The following TTLL11 variants were observed in gnomAD, a reference collection of about 807,000 sequenced individuals.
The protein encoded by TTLL11 is tubulin tyrosine ligase like 11.
In TTLL11, 42 loss-of-function variants were observed where a neutral mutation model predicts 51.7. That is an observed-to-expected ratio of 0.81 (90% CI 0.64 to 1.05). TTLL11 has a LOEUF of 1.05. Ranked by LOEUF, TTLL11 falls within the 50% of genes least tolerant of loss-of-function variation. The pLI, the probability that TTLL11 is intolerant of heterozygous loss-of-function variation, is 0.00. For missense variants in TTLL11, 799 were observed against 940.4 expected (o/e 0.85, Z 1.97); for synonymous variants, 381 against 383.5 (o/e 0.99, Z 0.08).
chr9:122,006,539 G>C (rs1322913590), intron 3 of TTLL11, among the ~76,000 whole-genome samples: 1 of 152,098 alleles, frequency 6.6e-6, no homozygotes, highest in Non-Finnish European at 1.5e-5. Flanking sequence ...AAATATTAGA[G>C]AGACTATAAT....
At chr9:121,848,493 G>A (rs1035183252) in intron 8 of TTLL11, among the ~76,000 whole-genome samples, 1 of 152,040 alleles carries the variant, frequency 6.6e-6, no homozygotes, top group African/African-American at 2.4e-5. Flanking sequence ...TGTCAATGTA[G>A]AAAATCCCAA....
intron 6 of TTLL11, among the ~76,000 whole-genome samples, chr9:121,915,980 GACACACACATACACACACACACACACAC>G (rs1317372255): frequency 1.0e-5 from 1 of 98,624 alleles, no homozygotes; most frequent in African/African-American, 3.9e-5. Flanking sequence ...TATAGACAAA[GACACACACATACACACACACACACACAC>G]ACACACACAC....
chr9:121,823,014 T>G, intron 8 of TTLL11, 135 bp from the exon 9 acceptor site: 3 of 1,047,868 alleles, frequency 2.9e-6, no homozygotes, highest in South Asian at 1.7e-5. Flanking sequence ...CAGAAACTCC[T>G]AACAGGGCTA....
intron 1 of TTLL11, among the ~76,000 whole-genome samples, chr9:122,067,659 C>T (rs375707842): frequency 2.0e-5 from 3 of 152,108 alleles, no homozygotes; most frequent in Non-Finnish European, 4.4e-5. Flanking sequence ...CCCACTGCCA[C>T]GCCCAGCTAA....
intron 7 of TTLL11, among the ~76,000 whole-genome samples, chr9:121,868,961 C>T (rs1286239664): frequency 6.6e-6 from 1 of 152,210 alleles, no homozygotes; most frequent in Non-Finnish European, 1.5e-5. Context: ...CATAACAAAT[C>T]CTGCAAGGCA....
rs188953779 is a variant in TTLL11, at chr9:121,872,243, C to T, written c.1482-1495G>A. Among the ~76,000 whole-genome samples the T allele has an allele frequency of 2.0e-4, 31 of 152,352 alleles. 1 individual carries two copies. The highest frequency in any genetic ancestry group is 7.0e-4 in the African/African-American group (29 of 41,582). Reference sequence around the variant, plus strand: ...GTGGCTGGCTGGCACACTTCTGTTCCACTTTCAAAACCAGCTGAGATGGCT... The same window carrying T: ...GTGGCTGGCTGGCACACTTCTGTTCTACTTTCAAAACCAGCTGAGATGGCT... On this transcript the variant is annotated intron_variant, in intron 6 of 8. Coordinates refer to ENST00000321582, the MANE Select transcript of TTLL11 (RefSeq NM_001139442.2).
intron 6 of TTLL11, among the ~76,000 whole-genome samples, chr9:121,875,652 AT>A (rs1838537107): frequency 6.6e-6 from 1 of 152,226 alleles, no homozygotes; most frequent in South Asian, 2.1e-4. Context: ...GCTGGAGATA[AT>A]TCCAATTATC....
intron 8 of TTLL11, among the ~76,000 whole-genome samples, chr9:121,837,879 G>A (rs964556502): frequency 7.9e-5 from 12 of 152,154 alleles, no homozygotes; most frequent in Non-Finnish European, 1.0e-4. Context: ...ATGTGACCAC[G>A]TGGAAGCCTC....
chr9:121,885,163 C>T (rs887548356), intron 6 of TTLL11: 1 of 152,234 alleles, frequency 6.6e-6, no homozygotes, highest in Non-Finnish European at 1.5e-5. Flanking sequence ...AGCCCACTTG[C>T]ATCTCGGTAA....
chr9:121,876,314 A>G (rs1838562749), intron 6 of TTLL11, among the ~76,000 whole-genome samples: 1 of 152,260 alleles, frequency 6.6e-6, no homozygotes, highest in African/African-American at 2.4e-5. Flanking sequence ...CTAGTTGCTG[A>G]GAAGTTGCTT....
At chr9:122,044,953 G>C (rs1215636804) in intron 1 of TTLL11, among the ~76,000 whole-genome samples, 2 of 151,782 alleles carry the variant, frequency 1.3e-5, no homozygotes, top group African/African-American at 2.4e-5. Flanking sequence ...CAAAATACCT[G>C]AAAAATTAGC....
intron 1 of TTLL11, among the ~76,000 whole-genome samples, chr9:122,054,111 A>G (rs899192585): frequency 5.9e-5 from 9 of 152,104 alleles, no homozygotes; most frequent in Non-Finnish European, 1.0e-4. Flanking sequence ...TTCATCCTTC[A>G]CTGAGTTAAT....
At chr9:122,041,324 A>G (rs531878072) in intron 1 of TTLL11, among the ~76,000 whole-genome samples, 20 of 152,210 alleles carry the variant, frequency 1.3e-4, no homozygotes, top group African/African-American at 3.4e-4. Flanking sequence ...ATCATACTCA[A>G]TGGTAAAATA....
At chr9:121,918,280 GGT>G (rs1840410380) in intron 6 of TTLL11, among the ~76,000 whole-genome samples, 1 of 152,218 alleles carries the variant, frequency 6.6e-6, no homozygotes, top group Non-Finnish European at 1.5e-5. Context: ...GCTGCTACAG[GGT>G]AGAGCATTGA....
chr9:121,920,498 A>G (rs1191727853), intron 6 of TTLL11, among the ~76,000 whole-genome samples: 2 of 152,226 alleles, frequency 1.3e-5, no homozygotes, highest in Non-Finnish European at 2.9e-5. Context: ...GTCACTAGGC[A>G]GCAAATCATC....
chr9:122,059,610 G>GA (rs1554789815), intron 1 of TTLL11, among the ~76,000 whole-genome samples: 5 of 151,832 alleles, frequency 3.3e-5, no homozygotes, highest in Non-Finnish European at 5.9e-5. Flanking sequence ...CTGTGATTCA[G>GA]AAAAAAAATG....
Position 121,822,412 on chromosome 9 carries a change from G to A in TTLL11, c.*175C>T. The A allele has an allele frequency of 1.9e-6, 1 of 528,108 alleles. No individual in the cohort carries two copies. The highest frequency in any genetic ancestry group is 3.2e-6 in the Non-Finnish European group (1 of 315,758). 32.7% of individuals were successfully genotyped at this position (528,108 alleles called of 1,614,324 possible). On this transcript the variant is annotated 3_prime_UTR_variant, in exon 9 of 9. Transcript: ENST00000321582. The surrounding 1 kb of genome is among the most constrained non-coding windows in gnomAD (Gnocchi z 5.8). ...AGGAGGTGTGAGGAGGAAGGCAGGTGAGAACCAGCCAGCCTGGTGAAGCAC... is the reference window on the plus strand; with the variant it reads ...AGGAGGTGTGAGGAGGAAGGCAGGTAAGAACCAGCCAGCCTGGTGAAGCAC...
At chr9:121,970,405 T>C (rs1564333311) in intron 6 of TTLL11, among the ~76,000 whole-genome samples, 1 of 152,124 alleles carries the variant, frequency 6.6e-6, no homozygotes, top group Non-Finnish European at 1.5e-5. Flanking sequence ...TTAATGAAAA[T>C]ACAGTAGAAC....
intron 3 of TTLL11, among the ~76,000 whole-genome samples, chr9:121,998,580 C>A (rs923481401): frequency 1.3e-5 from 2 of 152,004 alleles, no homozygotes; most frequent in African/African-American, 4.8e-5. Context: ...GGCACCGCAC[C>A]CAGCCTAAAC....
Sources: gnomAD v4.1 joint callset for allele counts (sites outside exome capture counted in the v4.1 genomes callset) on GRCh38, gnomAD v4.1.1 for gene constraint, Gnocchi (gnomAD v3.1) non-coding constraint, MANE v1.5 for transcripts, NCBI Gene and HGNC (gene_info 2026-07-23, HGNC 2026-07-21) for gene names.